Variants in TCTN2 observed in about 807,000 individuals in gnomAD.
TCTN2 encodes the protein tectonic-2.
A neutral mutation model predicts 83.4 loss-of-function variants in TCTN2; 66 were observed. The ratio of observed to expected loss-of-function variants is 0.79; its 90% CI spans 0.65 to 0.97. The LOEUF (loss-of-function observed/expected upper bound fraction) is 0.97. TCTN2 is among the 50% of genes least tolerant of loss of function. The pLI is 0.00. For missense variants in TCTN2, 794 were observed against 858.1 expected (o/e 0.93, Z 0.93); for synonymous variants, 301 against 326.7 (o/e 0.92, Z 0.85).
chr12:123,686,577 C>T (rs1215946301), intron 5 of TCTN2, among the ~76,000 whole-genome samples: 1 of 152,184 alleles, frequency 6.6e-6, no homozygotes, highest in African/African-American at 2.4e-5. Flanking sequence ...GGGAATATCT[C>T]ATGTCCTTGG....
chr12:123,688,396 T>C lies in TCTN2; in HGVS notation c.891+219T>C, dbSNP rs978844874. ...GCACCCAGCCAATTTTTTGTATTTT[T>C]AGTACAGACGGGGTTTCACCATGTT... is the stretch of plus-strand genomic sequence containing the variant. On this transcript the variant is annotated intron_variant, in intron 7 of 17. Coordinates refer to ENST00000303372, the MANE Select transcript of TCTN2 (RefSeq NM_024809.5). Among the ~76,000 whole-genome samples the C allele has an allele frequency of 1.6e-4, 24 of 151,976 alleles. 1 individual carries two copies. Among genetic ancestry groups the C allele is most frequent in the Non-Finnish European group, 3.4e-4 (23 of 67,988 alleles).
At position 123,686,830 on chromosome 12, in the gene TCTN2, T is replaced by C. The variant is rs1955973030; in HGVS notation, c.565-6T>C. 1.9e-6 allele frequency: 3 copies of C among 1,614,082 alleles called. No individual in the cohort carries two copies. The African/African-American group carries it at 4.0e-5, about 22-fold the overall frequency. On this transcript the variant is annotated splice_region_variant and splice_polypyrimidine_tract_variant and intron_variant, in intron 5 of 17. Transcript: ENST00000303372. ...CACAGCTCCTGCCTTTATGTTTGTC[T>C]TCCAGGAATGCTCATCAAATTTAAC... is the stretch of plus-strand genomic sequence containing the variant.
chr12:123,687,130 C>T (rs1955981661), intron 6 of TCTN2, 95 bp downstream of exon 6: 1 of 1,420,168 alleles, frequency 7.0e-7, no homozygotes, highest in East Asian at 2.3e-5. Context: ...CACGTTTTTC[C>T]CAACCCCTCT....
In TCTN2 at chr12:123,677,947, C is replaced by T. The variant is rs189248675; in HGVS notation, c.464-1242C>T. ...GCCTGGCTACCTGTACAAACTCTTA[C>T]GTGTGTTTCAGGCTCAGCGCATTCT... On this transcript the variant is annotated intron_variant, in intron 4 of 17. Coordinates refer to ENST00000303372, the MANE Select transcript of TCTN2 (RefSeq NM_024809.5). Among the ~76,000 whole-genome samples the T allele has an allele frequency of 7.6e-3, 1,161 of 152,192 alleles. 8 individuals carry two copies. Among genetic ancestry groups the T allele is most frequent in the Middle Eastern group, 0.051 (15 of 294 alleles).
intron 4 of TCTN2, among the ~76,000 whole-genome samples, chr12:123,678,644 T>G (rs1955854791): frequency 6.6e-6 from 1 of 152,144 alleles, no homozygotes; most frequent in Non-Finnish European, 1.5e-5. Flanking sequence ...TTGATTATCT[T>G]CTAGATCAAC....
At chr12:123,696,092 C>G (rs1409379707) in intron 11 of TCTN2, 2 of 343,754 alleles carry the variant, frequency 5.8e-6, no homozygotes, top group East Asian at 1.5e-4. Flanking sequence ...GATCCACCCA[C>G]CTCGGCCTCC....
At chr12:123,682,459 C>CTTTTT (rs71088947) in intron 5 of TCTN2, among the ~76,000 whole-genome samples, 2 of 151,264 alleles carry the variant, frequency 1.3e-5, no homozygotes, top group Admixed American at 1.3e-4. Flanking sequence ...ATTCTAGTTT[C>CTTTTT]TTTTTTTTGT....
At chr12:123,699,907 C>CTG in intron 14 of TCTN2, 97 bp downstream of exon 14, 1 of 957,484 alleles carries the variant, frequency 1.0e-6, no homozygotes, top group Admixed American at 1.7e-5. Context: ...GGTCATCTTC[C>CTG]TGAGGCTTGA....
At chr12:123,704,364 T>C (rs904587071) in intron 14 of TCTN2, among the ~76,000 whole-genome samples, 168 bp from the exon 15 acceptor site, 4 of 152,174 alleles carry the variant, frequency 2.6e-5, no homozygotes, top group African/African-American at 9.7e-5. Flanking sequence ...TTGTAGACTT[T>C]AAGGGATAAC....
At chr12:123,685,049 CAAAA>C (rs35845988) in intron 5 of TCTN2, among the ~76,000 whole-genome samples, 3 of 94,806 alleles carry the variant, frequency 3.2e-5, no homozygotes, top group Admixed American at 1.1e-4. Flanking sequence ...GACTCCATCT[CAAAA>C]AAAAAAAAAA....
At chr12:123,690,740 G>A (rs1202809956) in intron 8 of TCTN2, 66 bp downstream of exon 8, 1 of 1,583,380 alleles carries the variant, frequency 6.3e-7, no homozygotes, top group Non-Finnish European at 8.7e-7. Context: ...GATCTCATGA[G>A]AGTATAAATC....
At chr12:123,673,559 T>C in intron 3 of TCTN2, 56 bp from the exon 4 acceptor site, 1 of 1,553,444 alleles carries the variant, frequency 6.4e-7, no homozygotes, top group South Asian at 1.1e-5. Flanking sequence ...CCATTATGTA[T>C]TCTTATAGAC....
chr12:123,698,507 G>A (rs561587274), intron 13 of TCTN2, among the ~76,000 whole-genome samples: 1 of 151,974 alleles, frequency 6.6e-6, no homozygotes, highest in South Asian at 2.1e-4. Context: ...GTGTGATCAC[G>A]GCTCGTTGCA....
intron 17 of TCTN2, 114 bp from the exon 18 acceptor site, chr12:123,707,490 G>A: frequency 1.0e-6 from 1 of 992,070 alleles, no homozygotes. Flanking sequence ...CGCCCTCCTT[G>A]GCCTCCCAAA....
intron 4 of TCTN2, among the ~76,000 whole-genome samples, chr12:123,677,849 C>T (rs564942358): frequency 2.1e-3 from 317 of 152,094 alleles, no homozygotes; most frequent in Non-Finnish European, 3.6e-3. Context: ...AGGCTGGTCT[C>T]GAACTCCTGA....
rs1955864498 is a variant in TCTN2, at chr12:123,679,269, G to T, written c.544G>T (p.Val182Phe). Residue 182 changes from valine (V) to phenylalanine (F), a missense_variant, in exon 5 of 18, where the codon GTT becomes TTT. Val to Phe is a conservative substitution (Grantham distance 50). Transcript: ENST00000303372. ...PCNLTAGACD[V>F]RCCCDQECSS... Reference sequence around the variant, plus strand: ...TAATTTAACAGCTGGAGCCTGTGATGTTCGCTGCTGCTGTGACCAGGTATG... The same window carrying T: ...TAATTTAACAGCTGGAGCCTGTGATTTTCGCTGCTGCTGTGACCAGGTATG... 6.2e-7 allele frequency: 1 copy of T among 1,613,862 alleles called. No homozygotes were observed. Among genetic ancestry groups the T allele is most frequent in the Non-Finnish European group, 8.5e-7 (1 of 1,179,920 alleles).
At chr12:123,707,256 G>T in intron 17 of TCTN2, 183 bp downstream of exon 17, 1 of 527,566 alleles carries the variant, frequency 1.9e-6, no homozygotes, top group South Asian at 2.4e-5. Flanking sequence ...TACCTACACT[G>T]TTTTTTTTTT....
intron 5 of TCTN2, among the ~76,000 whole-genome samples, chr12:123,679,874 G>A (rs540426386): frequency 1.3e-5 from 2 of 151,098 alleles, no homozygotes; most frequent in Non-Finnish European, 3.0e-5. Flanking sequence ...TGAGTAGCTG[G>A]GACTACAGGC....
intron 4 of TCTN2, among the ~76,000 whole-genome samples, chr12:123,677,637 G>C (rs975918896): frequency 6.6e-5 from 10 of 152,102 alleles, no homozygotes; most frequent in Non-Finnish European, 4.4e-5. Flanking sequence ...CCCTGCCAAT[G>C]TTTACCTTTT....
Sources: gnomAD v4.1 joint callset for allele counts (sites outside exome capture counted in the v4.1 genomes callset) on GRCh38, gnomAD v4.1.1 for gene constraint, MANE v1.5 for transcripts, NCBI Gene and HGNC (gene_info 2026-07-23, HGNC 2026-07-21) for gene names.